The following PAPPA variants were observed in gnomAD, a reference collection of about 807,000 sequenced individuals.
The protein encoded by PAPPA is pappalysin 1.
PAPPA carries 60 observed loss-of-function variants against 164.0 expected under a neutral mutation model. The ratio of observed to expected loss-of-function variants is 0.37; its 90% CI spans 0.30 to 0.45. The LOEUF (loss-of-function observed/expected upper bound fraction) is 0.45, where lower values mean the gene tolerates loss of function less well. PAPPA is among the 20% of genes least tolerant of loss of function. PAPPA has a pLI of 1.00. For synonymous variants in PAPPA, 875 were observed against 814.1 expected, an observed-to-expected ratio of 1.07 and a Z score of -1.27; for missense variants, 1,782 against 2,087.3, an observed-to-expected ratio of 0.85 and a Z score of 2.85.
chr9:116,203,098 G>A (rs1170808156), intron 2 of PAPPA, among the ~76,000 whole-genome samples: 1 of 152,144 alleles, frequency 6.6e-6, no homozygotes, highest in Non-Finnish European at 1.5e-5. Context: ...GAGAATGGAG[G>A]CTGCCATCCT....
At chr9:116,302,180 A>G (rs1845586916) in intron 9 of PAPPA, among the ~76,000 whole-genome samples, 1 of 152,128 alleles carries the variant, frequency 6.6e-6, no homozygotes, top group African/African-American at 2.4e-5. Context: ...TTTTATGAGG[A>G]ATATTTCGAA....
At chr9:116,213,112 G>T (rs1219846284) in intron 4 of PAPPA, among the ~76,000 whole-genome samples, 3 of 152,186 alleles carry the variant, frequency 2.0e-5, no homozygotes, top group Admixed American at 2.0e-4. Context: ...GATGCTTCAG[G>T]GCAACTGCCC....
intron 3 of PAPPA, among the ~76,000 whole-genome samples, chr9:116,210,549 T>A (rs1292146312): frequency 1.3e-5 from 2 of 152,224 alleles, no homozygotes; most frequent in Admixed American, 1.3e-4. Context: ...CCCTTAAACA[T>A]TTTAAAATTT....
At chr9:116,251,741 C>G (rs1253263911) in intron 7 of PAPPA, among the ~76,000 whole-genome samples, 1 of 152,226 alleles carries the variant, frequency 6.6e-6, no homozygotes, top group Admixed American at 6.5e-5. Context: ...TTTGGGGAAG[C>G]TGTCACACAT....
intron 7 of PAPPA, among the ~76,000 whole-genome samples, chr9:116,243,118 G>A (rs565328422): frequency 4.7e-4 from 72 of 152,308 alleles, no homozygotes; most frequent in African/African-American, 1.7e-3. Context: ...GAAATAGGAA[G>A]TTAAGAGGGA....
At chr9:116,328,411 C>A (rs1192918457) in intron 10 of PAPPA, among the ~76,000 whole-genome samples, 2 of 152,176 alleles carry the variant, frequency 1.3e-5, no homozygotes, top group Non-Finnish European at 2.9e-5. Context: ...CTACCCTTAG[C>A]CTCCTCAGTG....
chr9:116,228,528 G>A (rs1844545616), intron 6 of PAPPA, among the ~76,000 whole-genome samples: 1 of 152,200 alleles, frequency 6.6e-6, no homozygotes, highest in African/African-American at 2.4e-5. Flanking sequence ...AATAAAGCAA[G>A]GGGGAAGGAT....
intron 10 of PAPPA, among the ~76,000 whole-genome samples, chr9:116,310,621 G>C (rs767746548): frequency 1.6e-4 from 25 of 152,152 alleles, no homozygotes; most frequent in Non-Finnish European, 3.2e-4. Flanking sequence ...CCCCAGCAAA[G>C]AGATCTACTA....
intron 7 of PAPPA, among the ~76,000 whole-genome samples, chr9:116,250,636 C>T (rs1844849615): frequency 6.6e-6 from 1 of 152,168 alleles, no homozygotes; most frequent in Admixed American, 6.5e-5. Context: ...TTTTGAGATG[C>T]TTGAACTTCT....
intron 13 of PAPPA, among the ~76,000 whole-genome samples, chr9:116,341,033 T>C (rs60470663): frequency 2.0e-5 from 3 of 151,570 alleles, no homozygotes; most frequent in African/African-American, 7.3e-5. Flanking sequence ...TTTTTTGTTT[T>C]ATTTATTTAT....
At chr9:116,218,297 A>G (rs548158053) in intron 4 of PAPPA, among the ~76,000 whole-genome samples, 4 of 152,300 alleles carry the variant, frequency 2.6e-5, no homozygotes, top group East Asian at 1.9e-4. Context: ...AAAGCCATGT[A>G]TATAGCTGTC....
chr9:116,299,168 T>C (rs967727837), intron 9 of PAPPA, among the ~76,000 whole-genome samples: 2 of 152,172 alleles, frequency 1.3e-5, no homozygotes, highest in Admixed American at 6.5e-5. Context: ...GATGTTATTT[T>C]AAAAAGAGAC....
At chr9:116,294,189 T>C (rs1197556857) in intron 9 of PAPPA, among the ~76,000 whole-genome samples, 2 of 152,286 alleles carry the variant, frequency 1.3e-5, no homozygotes, top group Non-Finnish European at 2.9e-5. Flanking sequence ...AGGGATGCTC[T>C]TCTTTTCCAG....
At chr9:116,169,215 C>G (rs963528083) in intron 1 of PAPPA, among the ~76,000 whole-genome samples, 19 of 151,444 alleles carry the variant, frequency 1.3e-4, no homozygotes, top group African/African-American at 4.6e-4. Flanking sequence ...TTCCCTATCT[C>G]TCTTCCTCTC....
intron 17 of PAPPA, among the ~76,000 whole-genome samples, chr9:116,357,698 C>T (rs570286571): frequency 6.6e-6 from 1 of 152,242 alleles, no homozygotes; most frequent in South Asian, 2.1e-4. Context: ...CTCAGATGGC[C>T]CTGAGCTAGT....
chr9:116,215,129 G>T (rs1844354575), intron 4 of PAPPA, among the ~76,000 whole-genome samples: 1 of 152,136 alleles, frequency 6.6e-6, no homozygotes, highest in African/African-American at 2.4e-5. Context: ...GATGTTTGAA[G>T]GACATGAACA....
intron 9 of PAPPA, among the ~76,000 whole-genome samples, chr9:116,274,180 A>C (rs1177116749): frequency 6.6e-6 from 1 of 152,128 alleles, no homozygotes; most frequent in Non-Finnish European, 1.5e-5. Context: ...AATGGAATGG[A>C]ATACAAAACC....
intron 1 of PAPPA, among the ~76,000 whole-genome samples, chr9:116,164,935 G>C (rs965899937): frequency 1.3e-5 from 2 of 152,178 alleles, no homozygotes; most frequent in African/African-American, 4.8e-5. Context: ...AAAGTCCAAG[G>C]ACTCATCCAA....
chr9:116,259,694 G>A (rs1346194070), intron 7 of PAPPA, among the ~76,000 whole-genome samples: 3 of 152,194 alleles, frequency 2.0e-5, no homozygotes, highest in Non-Finnish European at 2.9e-5. Flanking sequence ...AAGCCTTTGT[G>A]CAGATGTGTT....
Sources: allele counts gnomAD v4.1 joint callset (sites outside exome capture counted in the v4.1 genomes callset), GRCh38; gene constraint gnomAD v4.1.1; transcripts MANE v1.5; gene names NCBI Gene and HGNC (gene_info 2026-07-23, HGNC 2026-07-21).